Variants in FHIT observed in about 807,000 individuals in gnomAD.
FHIT encodes fragile histidine triad diadenosine triphosphatase.
A neutral mutation model predicts 17.9 loss-of-function variants in FHIT; 19 were observed. The observed-to-expected ratio is 1.06, with a 90% CI of 0.74 to 1.56. FHIT has a LOEUF of 1.56. Among genes scored for constraint, FHIT ranks in the 40% most tolerant of loss-of-function variants. FHIT has a pLI of 0.00. For missense variants in FHIT, 248 were observed against 189.2 expected (o/e 1.31, Z -1.82); for synonymous variants, 81 against 69.7 (o/e 1.16, Z -0.81).
chr3:61,239,300 C>T (rs1054947044), intron 1 of FHIT, among the ~76,000 whole-genome samples: 3 of 152,316 alleles, frequency 2.0e-5, no homozygotes, highest in Admixed American at 2.0e-4. Flanking sequence ...CCAATTTCAT[C>T]TGATGTCAGT....
At chr3:60,726,275 T>C (rs2041915232) in intron 4 of FHIT, among the ~76,000 whole-genome samples, 1 of 152,204 alleles carries the variant, frequency 6.6e-6, no homozygotes, top group Non-Finnish European at 1.5e-5. Flanking sequence ...AGTGACTAGA[T>C]GATTGATGGA....
chr3:60,841,291 A>G (rs1311600441), intron 3 of FHIT, among the ~76,000 whole-genome samples: 1 of 152,238 alleles, frequency 6.6e-6, no homozygotes, highest in African/African-American at 2.4e-5. Context: ...CTGTGTGTTA[A>G]CATAATTTAT....
At chr3:60,360,288 C>A (rs143748159) in intron 5 of FHIT, among the ~76,000 whole-genome samples, 45 of 151,700 alleles carry the variant, frequency 3.0e-4, no homozygotes, top group African/African-American at 1.1e-3. Flanking sequence ...TGAAAAGCCT[C>A]CAGAAGGTAC....
At position 61,015,545 on chromosome 3, in the gene FHIT, G is replaced by A. The variant is rs1690673435; in HGVS notation, c.-111+26502C>T. On this transcript the variant is annotated intron_variant, in intron 3 of 9. Coordinates refer to ENST00000492590, the MANE Select transcript of FHIT (RefSeq NM_002012.4). ...TTAAGAACTTGGAGGCATGCCTTCA[G>A]GAATGTCACTATGGCTTTCTGTTTG... 2.6e-5 allele frequency among the ~76,000 whole-genome samples: 4 copies of A among 152,140 alleles called. 1 individual carries two copies. Among genetic ancestry groups the A allele is most frequent in the Admixed American group, 2.6e-4 (4 of 15,270 alleles).
At chr3:59,926,602 G>C (rs1021567209) in intron 7 of FHIT, among the ~76,000 whole-genome samples, 2 of 152,084 alleles carry the variant, frequency 1.3e-5, no homozygotes, top group Admixed American at 1.3e-4. Context: ...ATCAAGAGAG[G>C]GTAAGTTCCA....
intron 7 of FHIT, among the ~76,000 whole-genome samples, chr3:59,925,593 T>C (rs1291459729): frequency 1.3e-5 from 2 of 152,310 alleles, no homozygotes; most frequent in African/African-American, 2.4e-5. Context: ...CTTCTCGATT[T>C]AGTTCAGGGC....
chr3:60,381,433 G>A (rs986361302), intron 5 of FHIT, among the ~76,000 whole-genome samples: 9 of 151,450 alleles, frequency 5.9e-5, no homozygotes, highest in East Asian at 5.8e-4. Context: ...AGCCGAGACC[G>A]TGCCATTGCA....
chr3:61,148,452 T>C (rs760721549), intron 2 of FHIT, among the ~76,000 whole-genome samples: 2 of 152,160 alleles, frequency 1.3e-5, no homozygotes, highest in African/African-American at 2.4e-5. Flanking sequence ...AATGGAAGCA[T>C]ACAGTATGCA....
intron 4 of FHIT, among the ~76,000 whole-genome samples, chr3:60,785,517 T>G (rs1293439376): frequency 6.6e-6 from 1 of 152,192 alleles, no homozygotes; most frequent in Admixed American, 6.5e-5. Flanking sequence ...GTTTATTTAC[T>G]ATTGCAGCCT....
At chr3:60,787,764 A>G (rs371230176) in intron 4 of FHIT, among the ~76,000 whole-genome samples, 3 of 152,348 alleles carry the variant, frequency 2.0e-5, no homozygotes, top group East Asian at 3.9e-4. Flanking sequence ...GTCACCCAAC[A>G]TGTACATTCC....
chr3:60,499,476 C>T (rs1282738363), intron 5 of FHIT, among the ~76,000 whole-genome samples: 1 of 152,014 alleles, frequency 6.6e-6, no homozygotes, highest in Admixed American at 6.6e-5. Context: ...ACTTTAAGCT[C>T]CTCCTCCCGG....
chr3:60,630,098 C>G (rs566215353), intron 4 of FHIT, among the ~76,000 whole-genome samples: 2 of 152,244 alleles, frequency 1.3e-5, no homozygotes, highest in African/African-American at 2.4e-5. Context: ...AAACAGGAAC[C>G]CTACCTGACT....
chr3:60,022,565 A>C (rs1700592222), intron 5 of FHIT, among the ~76,000 whole-genome samples: 1 of 152,238 alleles, frequency 6.6e-6, no homozygotes, highest in Admixed American at 6.5e-5. Flanking sequence ...ATTATAGGTC[A>C]GCAGGGGCCT....
intron 8 of FHIT, among the ~76,000 whole-genome samples, chr3:59,833,642 T>G (rs1475833856): frequency 6.6e-6 from 1 of 152,156 alleles, no homozygotes; most frequent in Non-Finnish European, 1.5e-5. Context: ...GCCCATCAGG[T>G]GAATTTTTAC....
At chr3:61,215,378 G>A (rs2106792615) in intron 1 of FHIT, among the ~76,000 whole-genome samples, 1 of 152,234 alleles carries the variant, frequency 6.6e-6, no homozygotes, top group Non-Finnish European at 1.5e-5. Context: ...CAGACAAACA[G>A]AAAGCCTCAT....
chr3:60,047,474 G>T (rs887131650), intron 5 of FHIT, among the ~76,000 whole-genome samples: 6 of 152,188 alleles, frequency 3.9e-5, no homozygotes, highest in African/African-American at 1.4e-4. Flanking sequence ...CCATGCTCTT[G>T]TAGAAGGAGC....
chr3:60,388,177 A>G (rs1163271491), intron 5 of FHIT, among the ~76,000 whole-genome samples: 1 of 152,182 alleles, frequency 6.6e-6, no homozygotes, highest in East Asian at 1.9e-4. Context: ...CAAATGGACT[A>G]AGACAATTTC....
intron 4 of FHIT, among the ~76,000 whole-genome samples, chr3:60,762,561 T>C (rs1419010737): frequency 6.6e-6 from 1 of 152,134 alleles, no homozygotes; most frequent in Non-Finnish European, 1.5e-5. Flanking sequence ...TTGGGGAAAA[T>C]AAGCCCCTCC....
intron 2 of FHIT, among the ~76,000 whole-genome samples, chr3:61,093,112 C>G (rs999670943): frequency 1.1e-4 from 17 of 152,180 alleles, no homozygotes; most frequent in African/African-American, 2.9e-4. Context: ...ACCCAGGTCT[C>G]GCCTCATCTG....
Sources: allele counts gnomAD v4.1 joint callset (sites outside exome capture counted in the v4.1 genomes callset), GRCh38; gene constraint gnomAD v4.1.1; transcripts MANE v1.5; gene names NCBI Gene and HGNC (gene_info 2026-07-23, HGNC 2026-07-21).